Variants in FNBP1 observed in about 807,000 individuals in gnomAD.
FNBP1 encodes the protein formin binding protein 1, also known as formin-binding protein 1.
In FNBP1, 26 loss-of-function variants were observed where a neutral mutation model predicts 90.6. The ratio of observed to expected loss-of-function variants is 0.29; its 90% confidence interval spans 0.21 to 0.40. The LOEUF is 0.40. FNBP1 is among the 10% of genes least tolerant of loss of function. The pLI is 1.00. For missense variants in FNBP1, 635 were observed against 768.0 expected, an observed-to-expected ratio of 0.83 and a Z score of 2.05; for synonymous variants, 260 against 265.2, an observed-to-expected ratio of 0.98 and a Z score of 0.19.
intron 12 of FNBP1, among the ~76,000 whole-genome samples, chr9:129,904,081 G>A (rs978039124): frequency 3.3e-5 from 5 of 152,080 alleles, no homozygotes; most frequent in Admixed American, 2.0e-4. Context: ...ATATTTCCAC[G>A]TGTGCATTCT....
intron 4 of FNBP1, among the ~76,000 whole-genome samples, chr9:129,958,985 C>CAAAAAAAAAAAAAAAAA (rs60640596): frequency 0.16 from 1,420 of 9,140 alleles, 544 homozygotes; most frequent in Non-Finnish European, 0.2. Context: ...AACTCTGCCT[C>CAAAAAAAAAAAAAAAAA]AAAAAAAAAA....
chr9:129,987,551 A>G (rs2052474945), intron 2 of FNBP1, among the ~76,000 whole-genome samples: 1 of 151,794 alleles, frequency 6.6e-6, no homozygotes, highest in African/African-American at 2.4e-5. Context: ...CCAAAGTTTA[A>G]TATTTATTTT....
At chr9:130,032,761 A>G (rs1365257602) in intron 1 of FNBP1, among the ~76,000 whole-genome samples, 1 of 152,118 alleles carries the variant, frequency 6.6e-6, no homozygotes, top group African/African-American at 2.4e-5. Flanking sequence ...TTAAAGTGGT[A>G]ATAATAGCCA....
At chr9:130,050,478 A>T in the FNBP1 span, among the ~76,000 whole-genome samples, 1 of 152,200 alleles carries the variant, frequency 6.6e-6, no homozygotes, top group South Asian at 2.1e-4. Context: ...CATTCCCGAC[A>T]CCCCAAGAAA....
chr9:129,933,803 A>G (rs1039339439), intron 6 of FNBP1, among the ~76,000 whole-genome samples: 4 of 152,138 alleles, frequency 2.6e-5, no homozygotes, highest in African/African-American at 7.2e-5. Context: ...ACTGTGATAC[A>G]TCAGATTCTC....
chr9:129,894,974 C>T (rs1458706194), intron 16 of FNBP1, among the ~76,000 whole-genome samples: 2 of 152,152 alleles, frequency 1.3e-5, no homozygotes, highest in African/African-American at 4.8e-5. Context: ...AGGAGAATCG[C>T]TTGAACCTGG....
chr9:129,998,526 A>AAC (rs927267470), intron 1 of FNBP1, among the ~76,000 whole-genome samples: 16 of 150,864 alleles, frequency 1.1e-4, no homozygotes, highest in South Asian at 6.2e-4. Context: ...AAAAAAAAAA[A>AAC]ACAAAAAAGC....
chr9:129,944,865 G>A (rs1055679112), intron 6 of FNBP1, among the ~76,000 whole-genome samples: 1 of 152,076 alleles, frequency 6.6e-6, no homozygotes, highest in Non-Finnish European at 1.5e-5. Context: ...CTTAGCCATG[G>A]GCTAGGCCAT....
chr9:129,951,491 G>A (rs112250272), intron 6 of FNBP1, among the ~76,000 whole-genome samples: 1,905 of 152,046 alleles, frequency 0.013, 17 homozygotes, highest in Middle Eastern at 0.024. Context: ...ACCTAGGCTG[G>A]AGTGCAGTGG....
chr9:130,018,077 C>G (rs1286608377), intron 1 of FNBP1, among the ~76,000 whole-genome samples: 1 of 151,196 alleles, frequency 6.6e-6, no homozygotes, highest in Non-Finnish European at 1.5e-5. Context: ...CCACGCCTGG[C>G]TAATTTTTTA....
chr9:129,918,160 T>A (rs77141843), intron 10 of FNBP1, among the ~76,000 whole-genome samples: 1,921 of 152,240 alleles, frequency 0.013, 18 homozygotes, highest in Middle Eastern at 0.024. Flanking sequence ...TAAAAACGAG[T>A]CATTAGGATT....
intron 1 of FNBP1, among the ~76,000 whole-genome samples, chr9:130,040,824 T>C (rs908897352): frequency 1.1e-4 from 16 of 151,974 alleles, no homozygotes; most frequent in East Asian, 5.8e-4. Flanking sequence ...CTAGAAAGAA[T>C]AGTGTAATGA....
intron 11 of FNBP1, 82 bp from the exon 12 acceptor site, chr9:129,909,081 G>GT: frequency 1.4e-6 from 1 of 734,396 alleles, no homozygotes; most frequent in South Asian, 1.4e-5. Flanking sequence ...CTGCAGCCAT[G>GT]GGGGGTGCAG....
rs989626220 is a variant in FNBP1, at chr9:130,041,007, T to TC, written c.24+1944_24+1945insG. 2.7e-5 allele frequency among the ~76,000 whole-genome samples: 4 copies of TC among 149,578 alleles called. No homozygotes were observed. Among genetic ancestry groups the TC allele is most frequent in the Non-Finnish European group, 5.9e-5 (4 of 67,360 alleles). On this transcript the variant is annotated intron_variant, in intron 1 of 16. Transcript: ENST00000446176. This position sits in a 1 kb window ranked among gnomAD's most constrained non-coding sequence, Gnocchi z 4.3. ...TTTCTTTTTTCTTTTTTCTTTTCTT[T>TC]TTTTTTTTTTTAAGAGGAGGCCTCT... is the stretch of plus-strand genomic sequence containing the variant.
At chr9:129,892,850 C>T (rs2035252410) in intron 16 of FNBP1, among the ~76,000 whole-genome samples, 2 of 152,104 alleles carry the variant, frequency 1.3e-5, no homozygotes, top group Middle Eastern at 3.2e-3. Flanking sequence ...ACTTAATGAT[C>T]GTACATTTAA....
rs375196427 is a variant in FNBP1, at chr9:129,977,103, G to A, written c.345+1362C>T. Among the ~76,000 whole-genome samples, 244 of 151,540 alleles carry A rather than the reference G, an allele frequency of 1.6e-3. 3 individuals are homozygous for A. The highest frequency in any genetic ancestry group is 6.8e-3 in the Middle Eastern group (2 of 294). ...GAACCCGGGGGGCGGAGGTTTCAGGGAGTCGAGATCGCACCACTTCACTCG... is the reference window on the plus strand; with the variant it reads ...GAACCCGGGGGGCGGAGGTTTCAGGAAGTCGAGATCGCACCACTTCACTCG... On this transcript the variant is annotated intron_variant, in intron 4 of 16. Transcript: ENST00000446176.
chr9:129,908,370 G>T (rs2038568956), intron 12 of FNBP1, among the ~76,000 whole-genome samples: 1 of 147,614 alleles, frequency 6.8e-6, no homozygotes, highest in Non-Finnish European at 1.5e-5. Context: ...TGCCTGGCTA[G>T]TTTTTTTCTT....
chr9:129,945,975 A>G (rs1047829774), intron 6 of FNBP1, among the ~76,000 whole-genome samples: 3 of 152,100 alleles, frequency 2.0e-5, no homozygotes, highest in African/African-American at 7.2e-5. Flanking sequence ...CAAGACCACC[A>G]TGGGCAATGT....
chr9:129,992,549 C>CTTTTTTTTTTT, intron 2 of FNBP1, among the ~76,000 whole-genome samples: 1 of 92,582 alleles, frequency 1.1e-5, no homozygotes, highest in African/African-American at 4.4e-5. Context: ...ACACATAGCT[C>CTTTTTTTTTTT]TTTTTTTTTT....
Sources: allele counts gnomAD v4.1 joint callset (sites outside exome capture counted in the v4.1 genomes callset), GRCh38; gene constraint gnomAD v4.1.1; non-coding constraint Gnocchi (gnomAD v3.1); transcripts MANE v1.5; gene names NCBI Gene and HGNC (gene_info 2026-07-23, HGNC 2026-07-21).